Variants in COL14A1 observed in about 807,000 individuals in gnomAD.
COL14A1 encodes the protein collagen type XIV alpha 1 chain, also known as collagen alpha-1(XIV) chain.
COL14A1 carries 136 observed loss-of-function variants against 230.3 expected under a neutral mutation model. That is an observed-to-expected ratio of 0.59 (90% CI 0.51 to 0.68). The LOEUF is 0.68. COL14A1 is among the 30% of genes least tolerant of loss of function. The probability of loss-of-function intolerance (pLI) is 0.00; values close to 1 mark genes in which losing one functional copy is unlikely to be tolerated. For missense variants in COL14A1, 1,976 were observed against 2,215.8 expected (o/e 0.89, Z 2.17); for synonymous variants, 792 against 784.1 (o/e 1.01, Z -0.17).
chr8:120,191,314 T>C lies in COL14A1; in HGVS notation c.437-5477T>C, dbSNP rs532777894. Among the ~76,000 whole-genome samples, 5 of 152,192 alleles carry C rather than the reference T, an allele frequency of 3.3e-5. No individual in the cohort carries two copies. The East Asian group carries it at 9.6e-4, about 29-fold the overall frequency. The stretch of plus-strand genomic sequence containing the variant: ...CATTTCGTTATGTACCCAGTAGTCA[T>C]TCAGGAGCAGGTTGTTCAGTTTCCA... On this transcript the variant is annotated intron_variant, in intron 5 of 47. Coordinates refer to ENST00000297848, the MANE Select transcript of COL14A1 (RefSeq NM_021110.4).
intron 23 of COL14A1, among the ~76,000 whole-genome samples, chr8:120,255,620 A>G (rs1235476118): frequency 1.3e-5 from 2 of 152,196 alleles, no homozygotes; most frequent in Non-Finnish European, 2.9e-5. Context: ...TAAAGCTGAG[A>G]TATTCCACAT....
rs1470050171 is a variant in COL14A1 at position 120,371,347 on chromosome 8, C to G, written c.*116C>G. The G allele has an allele frequency of 1.9e-6, 1 of 530,226 alleles. No homozygotes were observed. Among genetic ancestry groups the G allele is most frequent in the Non-Finnish European group, 3.3e-6 (1 of 303,050 alleles). The allele number at this position is 530,226 out of a possible 1,614,324, so 32.8% of individuals were successfully genotyped here. A position where few individuals can be genotyped will look rare whatever the true frequency, so the allele number is the denominator to read the frequency against. On this transcript the variant is annotated 3_prime_UTR_variant, in exon 48 of 48. Coordinates refer to ENST00000297848, the MANE Select transcript of COL14A1 (RefSeq NM_021110.4). Reference sequence around the variant, plus strand: ...TGGGGGGCAGGGCTCATTTCAGCAGCCTAAATCTCCTCCTTGGATAATGTT... The same window carrying G: ...TGGGGGGCAGGGCTCATTTCAGCAGGCTAAATCTCCTCCTTGGATAATGTT...
intron 7 of COL14A1, among the ~76,000 whole-genome samples, chr8:120,198,553 A>C (rs1817122436): frequency 6.6e-6 from 1 of 151,238 alleles, no homozygotes; most frequent in African/African-American, 2.4e-5. Context: ...AAAATGTTTG[A>C]GTGCCAACAT....
At chr8:120,234,751 C>T (rs1017334328) in intron 19 of COL14A1, among the ~76,000 whole-genome samples, 2 of 152,162 alleles carry the variant, frequency 1.3e-5, no homozygotes, top group Non-Finnish European at 2.9e-5. Flanking sequence ...CAATGTTCAT[C>T]CAGGGTATTG....
In COL14A1 at chr8:120,128,248, T is replaced by C. The variant is rs1312735155; in HGVS notation, c.-38+2908T>C. Among the ~76,000 whole-genome samples, 8 of 151,648 alleles carry C rather than the reference T, an allele frequency of 5.3e-5. No individual in the cohort carries two copies. The South Asian group carries it at 8.3e-4, about 16-fold the overall frequency. ...GCGCGCGTGTGTGTGTGTGTGTGTG[T>C]GTGTGTGTGTGTGTTGGAAATGTTG... On this transcript the variant is annotated intron_variant, in intron 1 of 47. Coordinates refer to ENST00000297848, the MANE Select transcript of COL14A1 (RefSeq NM_021110.4).
chr8:120,312,519 C>T (rs879589093), intron 37 of COL14A1, among the ~76,000 whole-genome samples: 12 of 152,180 alleles, frequency 7.9e-5, no homozygotes, highest in Admixed American at 1.3e-4. Context: ...TCCTAATTCT[C>T]GGGCTTTTTC....
chr8:120,131,210 T>C (rs1317845248), intron 1 of COL14A1, among the ~76,000 whole-genome samples: 2 of 152,234 alleles, frequency 1.3e-5, no homozygotes, highest in Non-Finnish European at 2.9e-5. Context: ...GGTAGAATTA[T>C]TTATATTCCT....
At chr8:120,293,689 G>A (rs1477200857) in intron 34 of COL14A1, among the ~76,000 whole-genome samples, 1 of 151,772 alleles carries the variant, frequency 6.6e-6, no homozygotes, top group Non-Finnish European at 1.5e-5. Context: ...GATAATTATA[G>A]AATAAAGGCA....
chr8:120,183,994 G>C (rs1389584619), intron 5 of COL14A1, among the ~76,000 whole-genome samples: 1 of 152,100 alleles, frequency 6.6e-6, no homozygotes. Flanking sequence ...TGGTGGACAC[G>C]TTATTTAACC....
At chr8:120,191,726 C>A (rs1816832710) in intron 5 of COL14A1, among the ~76,000 whole-genome samples, 1 of 150,182 alleles carries the variant, frequency 6.7e-6, no homozygotes, top group East Asian at 2.0e-4. Flanking sequence ...AATCTGGGTG[C>A]TCCTGTATTG....
chr8:120,144,903 A>T (rs558572176), intron 1 of COL14A1, among the ~76,000 whole-genome samples: 82 of 152,244 alleles, frequency 5.4e-4, no homozygotes, highest in African/African-American at 1.9e-3. Flanking sequence ...CATGACACTG[A>T]ATTAGAAACC....
rs530972962 is a variant in COL14A1, at chr8:120,285,737, A to C, written c.3968-124A>C. ...GGGACTGTAGAACACTTCCTTACTC[A>C]TCACATCATTCTAAATACAGTTTCA... On this transcript the variant is annotated intron_variant, in intron 32 of 47. Coordinates refer to ENST00000297848, the MANE Select transcript of COL14A1 (RefSeq NM_021110.4). 2.4e-5 allele frequency: 16 copies of C among 671,636 alleles called. No homozygotes were observed. In the South Asian group the frequency reaches 3.3e-4, roughly 14 times the overall value. The allele number at this position is 671,636 out of a possible 1,614,324, so 41.6% of individuals were successfully genotyped here. A position where few individuals can be genotyped will look rare whatever the true frequency, so the allele number is the denominator to read the frequency against.
chr8:120,248,549 T>C (rs1818831853), intron 21 of COL14A1, among the ~76,000 whole-genome samples: 1 of 152,156 alleles, frequency 6.6e-6, no homozygotes, highest in Admixed American at 6.5e-5. Context: ...AAAAACATTC[T>C]TACGGTCATT....
In COL14A1 at chr8:120,262,863, T is replaced by C. The variant is rs891258695; in HGVS notation, c.2870-5T>C. ...TGTTTTTGTTTTGTTTTGTTTTTAT[T>C]ATAGATAGGCAAAAGCAAGAATCCA... is the stretch of plus-strand genomic sequence containing the variant. On this transcript the variant is annotated splice_region_variant and splice_polypyrimidine_tract_variant and intron_variant, in intron 23 of 47. Coordinates refer to ENST00000297848, the MANE Select transcript of COL14A1 (RefSeq NM_021110.4). The C allele has an allele frequency of 8.8e-6, 14 of 1,595,762 alleles. No individual in the cohort carries two copies. The highest frequency in any genetic ancestry group is 1.4e-5 in the African/African-American group (1 of 73,576).
chr8:120,202,483 CG>C (rs1817281115), intron 8 of COL14A1, among the ~76,000 whole-genome samples: 1 of 152,028 alleles, frequency 6.6e-6, no homozygotes, highest in Non-Finnish European at 1.5e-5. Context: ...ATTGAAATGA[CG>C]GGGATTATAA....
At chr8:120,168,091 GT>G (rs1815970932) in intron 4 of COL14A1, 69 bp from the exon 5 acceptor site, 14 of 1,120,844 alleles carry the variant, frequency 1.2e-5, no homozygotes, top group Admixed American at 2.1e-5. Flanking sequence ...AAGGGTTTTA[GT>G]AAAACTCACT....
At chr8:120,361,959 G>A (rs1270598392) in intron 45 of COL14A1, among the ~76,000 whole-genome samples, 4 of 152,194 alleles carry the variant, frequency 2.6e-5, no homozygotes, top group African/African-American at 9.6e-5. Flanking sequence ...CTTGCTCAGG[G>A]CACACAGCAA....
intron 1 of COL14A1, among the ~76,000 whole-genome samples, chr8:120,132,222 G>A (rs1814555907): frequency 6.6e-6 from 1 of 152,016 alleles, no homozygotes; most frequent in Admixed American, 6.6e-5. Context: ...TCTATTTTGA[G>A]TTAATTTTCA....
chr8:120,212,332 G>A, intron 12 of COL14A1, 116 bp from the exon 13 acceptor site: 1 of 920,934 alleles, frequency 1.1e-6, no homozygotes, highest in East Asian at 2.6e-5. Flanking sequence ...TTGATGAAGG[G>A]GTTGTAACAG....
Sources: gnomAD v4.1 joint callset for allele counts (sites outside exome capture counted in the v4.1 genomes callset) on GRCh38, gnomAD v4.1.1 for gene constraint, MANE v1.5 for transcripts, NCBI Gene and HGNC (gene_info 2026-07-23, HGNC 2026-07-21) for gene names.